The following SYNE1 variants were observed in gnomAD, a reference collection of about 807,000 sequenced individuals.
SYNE1 encodes the protein nesprin-1.
In SYNE1, 616 loss-of-function variants were observed where a neutral mutation model predicts 1,111.0. The ratio of observed to expected loss-of-function variants is 0.55; its 90% CI spans 0.52 to 0.59. The LOEUF is 0.59. Among genes scored for constraint, SYNE1 ranks in the 20% least tolerant of loss-of-function variants. The pLI is 0.00. For missense variants in SYNE1, 10,006 were observed against 10,417.0 expected (o/e 0.96, Z 1.72); for synonymous variants, 3,855 against 3,825.8 (o/e 1.01, Z -0.28).
chr6:152,183,854 T>A (rs1303525866), intron 128 of SYNE1, among the ~76,000 whole-genome samples: 1 of 152,184 alleles, frequency 6.6e-6, no homozygotes, highest in Non-Finnish European at 1.5e-5. Flanking sequence ...CAGTACAAGA[T>A]AAGACCAGCA....
intron 101 of SYNE1, among the ~76,000 whole-genome samples, chr6:152,258,932 A>G (rs2091457963): frequency 6.6e-6 from 1 of 151,868 alleles, no homozygotes; most frequent in Non-Finnish European, 1.5e-5. Flanking sequence ...TTTAGTAGAG[A>G]CAGGATTTCC....
At chr6:152,272,185 G>A (rs2093264369) in intron 98 of SYNE1, among the ~76,000 whole-genome samples, 1 of 152,208 alleles carries the variant, frequency 6.6e-6, no homozygotes, top group African/African-American at 2.4e-5. Flanking sequence ...TTGGACCACA[G>A]GAAGCAAACC....
At chr6:152,459,038 G>A (rs570614717) in intron 21 of SYNE1, 108 bp from the exon 22 acceptor site, 25 of 963,768 alleles carry the variant, frequency 2.6e-5, no homozygotes, top group Admixed American at 1.2e-4. Flanking sequence ...TGATCATTTG[G>A]TGCTTACAAA....
At position 152,576,529 on chromosome 6, in the gene SYNE1, G is replaced by A. The variant is rs183317533; in HGVS notation, c.68-36508C>T. On this transcript the variant is annotated intron_variant, in intron 3 of 145. Coordinates refer to ENST00000367255, the MANE Select transcript of SYNE1 (RefSeq NM_182961.4). Reference sequence around the variant, plus strand: ...GGCCTACCTTGTTAGATCTGTCAGAGGTAAGTAACTAAATAATTAACTACT... The same window carrying A: ...GGCCTACCTTGTTAGATCTGTCAGAAGTAAGTAACTAAATAATTAACTACT... Among the ~76,000 whole-genome samples the A allele has an allele frequency of 4.3e-3, 647 of 152,190 alleles. 4 individuals are homozygous for A. Among genetic ancestry groups the A allele is most frequent in the Non-Finnish European group, 5.0e-3 (339 of 68,004 alleles).
At chr6:152,268,015 G>C in intron 100 of SYNE1, 41 bp downstream of exon 100, 3 of 1,518,318 alleles carry the variant, frequency 2.0e-6, no homozygotes, top group Non-Finnish European at 2.7e-6. Context: ...AAATGTCAGG[G>C]AAACACAATG....
At chr6:152,404,147 A>G (rs1015002276) in intron 46 of SYNE1, 66 bp downstream of exon 46, 1 of 1,047,240 alleles carries the variant, frequency 9.5e-7, no homozygotes, top group Admixed American at 1.7e-5. Context: ...AGAGACAGAG[A>G]AAGTCTAGTA....
chr6:152,131,329 T>TAAAAAAAAAAAAAAAAAAAAAAAA (rs34061887), intron 144 of SYNE1, among the ~76,000 whole-genome samples: 1 of 141,862 alleles, frequency 7.0e-6, no homozygotes, highest in Non-Finnish European at 1.5e-5. Flanking sequence ...GTGAATGTAG[T>TAAAAAAAAAAAAAAAAAAAAAAAA]AAAAAAAAAA....
chr6:152,313,707 A>T (rs1384381799), intron 87 of SYNE1, among the ~76,000 whole-genome samples: 1 of 151,828 alleles, frequency 6.6e-6, no homozygotes, highest in Non-Finnish European at 1.5e-5. Context: ...CAAGTGATCC[A>T]CCCCTCTTGG....
At chr6:152,460,621 T>C (rs1418070788) in intron 21 of SYNE1, among the ~76,000 whole-genome samples, 1 of 151,976 alleles carries the variant, frequency 6.6e-6, no homozygotes, top group East Asian at 1.9e-4. Context: ...AATTACCCAA[T>C]CTAGGTGGAT....
intron 14 of SYNE1, among the ~76,000 whole-genome samples, chr6:152,476,844 C>T (rs1554782): frequency 1.3e-5 from 2 of 149,136 alleles, no homozygotes; most frequent in African/African-American, 4.9e-5. Context: ...ACTCCCGCCT[C>T]GGCAACAGAG....
At chr6:152,538,928 C>T (rs956398856) in intron 4 of SYNE1, among the ~76,000 whole-genome samples, 1 of 152,120 alleles carries the variant, frequency 6.6e-6, no homozygotes, top group Admixed American at 6.5e-5. Context: ...AAGTGTTTTA[C>T]TAATTTTTTC....
At chr6:152,443,143 A>T (rs1367000136) in intron 30 of SYNE1, among the ~76,000 whole-genome samples, 1 of 152,190 alleles carries the variant, frequency 6.6e-6, no homozygotes, top group East Asian at 1.9e-4. Context: ...TACCTGGCCT[A>T]AGCATTTTAA....
At chr6:152,633,408 C>G (rs1486561777) in intron 2 of SYNE1, among the ~76,000 whole-genome samples, 1 of 152,122 alleles carries the variant, frequency 6.6e-6, no homozygotes, top group Admixed American at 6.5e-5. Flanking sequence ...AAACAGCAGT[C>G]AACAAGAGAG....
At chr6:152,452,628 T>G (rs1289202100) in intron 25 of SYNE1, among the ~76,000 whole-genome samples, 1 of 152,168 alleles carries the variant, frequency 6.6e-6, no homozygotes, top group African/African-American at 2.4e-5. Flanking sequence ...GTAGCGCATG[T>G]GAAATATCAC....
At position 152,457,809 on chromosome 6, in the gene SYNE1, C is replaced by T. The variant is rs974942847; in HGVS notation, c.2568+948G>A. Among the ~76,000 whole-genome samples, 5 of 151,760 alleles carry T rather than the reference C, an allele frequency of 3.3e-5. No individual in the cohort carries two copies. In the South Asian group the frequency reaches 8.3e-4, roughly 25 times the overall value. ...GTATGCCTTTTTAAGTGAAATTAAC[C>T]ATTTCGTCAATCAGCAAGGCAGCAG... On this transcript the variant is annotated intron_variant, in intron 22 of 145. Coordinates refer to ENST00000367255, the MANE Select transcript of SYNE1 (RefSeq NM_182961.4).
chr6:152,293,713 C>G lies in SYNE1; in HGVS notation c.17887G>C (p.Glu5963Gln). 2 of 1,614,098 alleles carry G rather than the reference C, an allele frequency of 1.2e-6. No homozygotes were observed. Among genetic ancestry groups the G allele is most frequent in the Non-Finnish European group, 1.7e-6 (2 of 1,180,030 alleles). ...GAGTCCTGGTACTTCTGCTGGCGTT[C>G]CAAAGCTTCATAGAGTGTGCGCTGC... ...EKQRTLYEAL[E>Q]RQQKYQDSLQ... The change falls in exon 95 of 146, where the codon GAA becomes CAA. Residue 5963 changes from glutamate to glutamine, a missense_variant. Glu to Gln is a conservative substitution (Grantham distance 29). Transcript: ENST00000367255.
At chr6:152,423,209 T>G (rs1007528635) in intron 39 of SYNE1, among the ~76,000 whole-genome samples, 1 of 152,218 alleles carries the variant, frequency 6.6e-6, no homozygotes, top group African/African-American at 2.4e-5. Flanking sequence ...ATAACCTGTC[T>G]TAACATGAAA....
chr6:152,316,949 T>C lies in SYNE1; in HGVS notation c.16610A>G (p.Glu5537Gly). Reference sequence around the variant, plus strand: ...TTTTTCAATCCACTTCAAAATTAATTCAAGCATTTCATTGTATTCTTCTAA... The same window carrying C: ...TTTTTCAATCCACTTCAAAATTAATCCAAGCATTTCATTGTATTCTTCTAA... ...SHLEEYNEML[E>G]LILKWIEKAK... Residue 5537 changes from glutamate to glycine, a missense_variant, in exon 87 of 146, where the codon GAA (glutamate) becomes GGA (glycine). Around this residue, in one of 7 missense-constraint regions of SYNE1, gnomAD observed 4,955 missense variants for 5,017.2 expected, o/e 0.99. Coordinates refer to ENST00000367255, the MANE Select transcript of SYNE1 (RefSeq NM_182961.4). 1 of 1,614,144 alleles carries C rather than the reference T, an allele frequency of 6.2e-7. No individual in the cohort carries two copies. Among genetic ancestry groups the C allele is most frequent in the Non-Finnish European group, 8.5e-7 (1 of 1,180,028 alleles).
rs2096719044 is a variant in SYNE1 at position 152,350,323 on chromosome 6, T to C, written c.11746A>G (p.Ser3916Gly). ...TGGTCTTTGACTTTCGCCTCCAGAC[T>C]GAAGACATGCTCCTGCAAAACCAGG... ...LCSIGKEHVF[S>G]LEAKVKDHED... The change falls in exon 72 of 146, where the codon AGT becomes GGT. Residue 3916 changes from serine (S) to glycine (G), a missense_variant. Physicochemically the swap from Ser to Gly is moderately conservative, Grantham distance 56. Transcript: ENST00000367255. The C allele has an allele frequency of 6.2e-7, 1 of 1,614,056 alleles. No homozygotes were observed. Among genetic ancestry groups the C allele is most frequent in the African/African-American group, 1.3e-5 (1 of 74,922 alleles).
Sources: gnomAD v4.1 joint callset for allele counts (sites outside exome capture counted in the v4.1 genomes callset) on GRCh38, gnomAD v4.1.1 for gene constraint, gnomAD v4.1.1 regional missense constraint, MANE v1.5 for transcripts, NCBI Gene and HGNC (gene_info 2026-07-23, HGNC 2026-07-21) for gene names.